DDX10: variants seen among roughly 807,000 people sequenced by gnomAD.
The protein encoded by DDX10 is probable ATP-dependent RNA helicase DDX10.
A neutral mutation model predicts 104.3 loss-of-function variants in DDX10; 74 were observed. The ratio of observed to expected loss-of-function variants is 0.71; its 90% CI spans 0.59 to 0.86. The LOEUF is 0.86. DDX10 is among the 40% of genes least tolerant of loss of function. The pLI is 0.00. For missense variants in DDX10, 952 were observed against 1,040.0 expected (o/e 0.92, Z 1.16); for synonymous variants, 351 against 353.4 (o/e 0.99, Z 0.08).
At chr11:108,700,621 A>T (rs949641588) in intron 9 of DDX10, among the ~76,000 whole-genome samples, 3 of 152,216 alleles carry the variant, frequency 2.0e-5, no homozygotes, top group African/African-American at 7.2e-5. Flanking sequence ...ACTAGGAGAG[A>T]TAGACATCCT....
rs753607902 is a variant in DDX10 at position 108,729,342 on chromosome 11, G to A, written c.1965+5880G>A. Among the ~76,000 whole-genome samples, 20 of 152,208 alleles carry A rather than the reference G, an allele frequency of 1.3e-4. No individual in the cohort carries two copies. In the Middle Eastern group the frequency reaches 0.014, roughly 104 times the overall value. ...CTCATCTCCATCCAGAGAGGTTTTA[G>A]CACATCACAGCTTGCTCCTGGCCTG... On this transcript the variant is annotated intron_variant, in intron 13 of 17. Coordinates refer to ENST00000322536, the MANE Select transcript of DDX10 (RefSeq NM_004398.4).
chr11:108,845,494 G>T (rs1045916868), intron 15 of DDX10, among the ~76,000 whole-genome samples: 1 of 151,826 alleles, frequency 6.6e-6, no homozygotes, highest in African/African-American at 2.4e-5. Flanking sequence ...TCATAATTTT[G>T]TTACTTCTAT....
chr11:108,844,932 C>T (rs1425284534), intron 15 of DDX10, among the ~76,000 whole-genome samples: 1 of 152,168 alleles, frequency 6.6e-6, no homozygotes, highest in African/African-American at 2.4e-5. Context: ...CACGGTGGCT[C>T]ACGCCTGTAA....
intron 13 of DDX10, among the ~76,000 whole-genome samples, chr11:108,745,532 C>G (rs2094330838): frequency 1.3e-5 from 2 of 152,150 alleles, no homozygotes; most frequent in Non-Finnish European, 2.9e-5. Context: ...GCCACCACAT[C>G]TGGCTGGAAA....
Position 108,827,783 on chromosome 11 carries a change from C to T in DDX10, c.1966-10663C>T, listed in dbSNP as rs113725391. On this transcript the variant is annotated intron_variant, in intron 13 of 17. Transcript: ENST00000322536. ...GTAATTTTAGGACTGTTGCTATAGCCGGTATGTTTGTCTTAGCAAATTAAT... is the reference window on the plus strand; with the variant it reads ...GTAATTTTAGGACTGTTGCTATAGCTGGTATGTTTGTCTTAGCAAATTAAT... Among the ~76,000 whole-genome samples the T allele has an allele frequency of 7.4e-4, 112 of 152,100 alleles. 1 individual carries two copies. The highest frequency in any genetic ancestry group is 2.7e-3 in the African/African-American group (110 of 41,494).
chr11:108,693,490 C>A lies in DDX10; in HGVS notation c.1139-26C>A, dbSNP rs369219748. ...GCAGGGCAGATCTTGCAACCAGTTT[C>A]TTAACTTCACATCCCTTCTCTGTAG... On this transcript the variant is annotated intron_variant, in intron 8 of 17. Coordinates refer to ENST00000322536, the MANE Select transcript of DDX10 (RefSeq NM_004398.4). The A allele has an allele frequency of 1.9e-6, 3 of 1,590,644 alleles. No individual in the cohort carries two copies. The African/African-American group carries it at 4.0e-5, about 21-fold the overall frequency.
At chr11:108,908,481 A>G (rs564658021) in intron 16 of DDX10, among the ~76,000 whole-genome samples, 3 of 152,246 alleles carry the variant, frequency 2.0e-5, no homozygotes, top group Non-Finnish European at 4.4e-5. Context: ...TTAAATAACT[A>G]AAATTTCAAT....
intron 4 of DDX10, 25 bp downstream of exon 4, chr11:108,677,268 C>T (rs1392663870): frequency 6.3e-7 from 1 of 1,599,330 alleles, no homozygotes; most frequent in South Asian, 1.1e-5. Context: ...CTATGTCCTT[C>T]CTTTCCTTCT....
At position 108,875,169 on chromosome 11, in the gene DDX10, A is replaced by G. The variant is rs574212794; in HGVS notation, c.2304+22960A>G. Reference sequence around the variant, plus strand: ...TTCTATGAAGCCTGCGTTACTGTGTATGACATTTTAATTCTGATTTAAAGG... The same window carrying G: ...TTCTATGAAGCCTGCGTTACTGTGTGTGACATTTTAATTCTGATTTAAAGG... On this transcript the variant is annotated intron_variant, in intron 16 of 17. Coordinates refer to ENST00000322536, the MANE Select transcript of DDX10 (RefSeq NM_004398.4). Among the ~76,000 whole-genome samples the G allele has an allele frequency of 7.2e-5, 11 of 152,336 alleles. No homozygotes were observed. In the East Asian group the frequency reaches 2.1e-3, roughly 29 times the overall value.
At chr11:108,800,665 C>T (rs1329091982) in intron 13 of DDX10, among the ~76,000 whole-genome samples, 2 of 152,062 alleles carry the variant, frequency 1.3e-5, no homozygotes, top group Non-Finnish European at 2.9e-5. Flanking sequence ...AATTGACAAT[C>T]AATATGGGAA....
At chr11:108,756,755 ATCTG>A (rs918740440) in intron 13 of DDX10, among the ~76,000 whole-genome samples, 1 of 151,994 alleles carries the variant, frequency 6.6e-6, no homozygotes, top group Non-Finnish European at 1.5e-5. Flanking sequence ...GTTTCAGAAT[ATCTG>A]TCTGTGTTCC....
chr11:108,745,037 TC>T (rs2094329629), intron 13 of DDX10, among the ~76,000 whole-genome samples: 1 of 54,906 alleles, frequency 1.8e-5, no homozygotes, highest in Non-Finnish European at 3.4e-5. Context: ...AATTACTTTT[TC>T]CTTCCCCCTT....
intron 13 of DDX10, among the ~76,000 whole-genome samples, chr11:108,797,955 C>T (rs923837593): frequency 6.6e-5 from 10 of 152,198 alleles, no homozygotes; most frequent in African/African-American, 2.2e-4. Context: ...TGCATCCTTC[C>T]TCTTACCCAT....
At chr11:108,708,793 C>T (rs548069936) in intron 10 of DDX10, among the ~76,000 whole-genome samples, 1 of 152,222 alleles carries the variant, frequency 6.6e-6, no homozygotes, top group East Asian at 1.9e-4. Flanking sequence ...GTCTCGAACT[C>T]CTGGCCTCAA....
At chr11:108,817,208 G>C (rs1453281687) in intron 13 of DDX10, among the ~76,000 whole-genome samples, 2 of 152,036 alleles carry the variant, frequency 1.3e-5, no homozygotes, top group Non-Finnish European at 2.9e-5. Flanking sequence ...TCATATTCAG[G>C]GTAAAATCTA....
At chr11:108,783,089 A>G (rs1156678624) in intron 13 of DDX10, among the ~76,000 whole-genome samples, 2 of 152,180 alleles carry the variant, frequency 1.3e-5, no homozygotes, top group African/African-American at 2.4e-5. Flanking sequence ...CCCACTCACT[A>G]TGATTTCTCT....
intron 1 of DDX10, among the ~76,000 whole-genome samples, chr11:108,668,977 G>T (rs563405041): frequency 2.0e-5 from 3 of 152,216 alleles, no homozygotes; most frequent in East Asian, 1.9e-4. Flanking sequence ...GCAGCCTCAC[G>T]TCTGGCTTGG....
chr11:108,790,685 T>A (rs977842058), intron 13 of DDX10, among the ~76,000 whole-genome samples: 1 of 152,200 alleles, frequency 6.6e-6, no homozygotes, highest in African/African-American at 2.4e-5. Context: ...GGCCAAGACA[T>A]TTCTGTCATA....
At chr11:108,665,439 G>A (rs2094208872) in intron 1 of DDX10, 100 bp downstream of exon 1, 5 of 1,369,164 alleles carry the variant, frequency 3.7e-6, no homozygotes, top group Middle Eastern at 2.6e-4. Flanking sequence ...ATCTGTCACC[G>A]GGACCCGGCC....
Sources: allele counts gnomAD v4.1 joint callset (sites outside exome capture counted in the v4.1 genomes callset), GRCh38; gene constraint gnomAD v4.1.1; transcripts MANE v1.5; gene names NCBI Gene and HGNC (gene_info 2026-07-23, HGNC 2026-07-21).